Variants in AP4B1 observed in about 807,000 individuals in gnomAD.
AP4B1 encodes the protein adaptor related protein complex 4 subunit beta 1.
AP4B1 carries 49 observed loss-of-function variants against 76.5 expected under a neutral mutation model. That is an observed-to-expected ratio of 0.64 (90% CI 0.51 to 0.81). The LOEUF (loss-of-function observed/expected upper bound fraction) is 0.81, where lower values mean the gene tolerates loss of function less well. AP4B1 is among the 40% of genes least tolerant of loss of function. AP4B1 has a pLI of 0.00. For missense variants in AP4B1, 911 were observed against 904.9 expected, an observed-to-expected ratio of 1.01 and a Z score of -0.09; for synonymous variants, 330 against 333.3, an observed-to-expected ratio of 0.99 and a Z score of 0.11.
At chr1:113,899,479 C>A in intron 5 of AP4B1, 1 of 516,628 alleles carries the variant, frequency 1.9e-6, no homozygotes, top group Non-Finnish European at 2.6e-6. Context: ...GATTTCAGTC[C>A]CATTTCTAAA....
rs765728145 is a variant in AP4B1, at chr1:113,896,022, C to T, written c.1527G>A (p.Met509Ile). Residue 509 changes from methionine to isoleucine, a missense_variant, in exon 9 of 10, where the codon ATG becomes ATA. Coordinates refer to ENST00000369569, the MANE Select transcript of AP4B1 (RefSeq NM_001253852.3). ...LYYCIEEEKDMAVRDRGLFYY... is the reference protein window; with the variant it reads ...LYYCIEEEKDIAVRDRGLFYY... ...AGAAGAGACCTCGGTCCCGTACAGC[C>T]ATATCTTTTTCTTCCTCTGAGGTAA... The T allele has an allele frequency of 1.2e-6, 2 of 1,614,220 alleles. No individual in the cohort carries two copies. The highest frequency in any genetic ancestry group is 2.2e-5 in the South Asian group (2 of 91,082).
Position 113,897,845 on chromosome 1 carries a change from T to G in AP4B1, c.1297A>C (p.Ser433Arg). 1 of 1,614,086 alleles carries G rather than the reference T, an allele frequency of 6.2e-7. No homozygotes were observed. The highest frequency in any genetic ancestry group is 2.2e-5 in the East Asian group (1 of 44,880). ...LPGCEENIQD[S>R]EGKQALIWLL... ...AAAGGAGAATTACAGTCTACCTCACTATCTTGAATGTTCTCTTCACAGCCG... is the reference window on the plus strand; with the variant it reads ...AAAGGAGAATTACAGTCTACCTCACGATCTTGAATGTTCTCTTCACAGCCG... The change falls in exon 7 of 10, where the codon AGT becomes CGT. Residue 433 changes from serine to arginine, a missense_variant. Transcript: ENST00000369569.
chr1:113,897,386 T>C (rs1363022125), intron 7 of AP4B1: 2 of 213,554 alleles, frequency 9.4e-6, no homozygotes, highest in Non-Finnish European at 1.9e-5. Flanking sequence ...AGGCTAGGAA[T>C]TCTAGACCAG....
rs1329799279 is a variant in AP4B1, at chr1:113,897,854, T to A, written c.1288A>T (p.Ile430Phe). The A allele has an allele frequency of 1.9e-6, 3 of 1,614,164 alleles. No individual in the cohort carries two copies. The highest frequency in any genetic ancestry group is 2.5e-6 in the Non-Finnish European group (3 of 1,180,020). The change falls in exon 7 of 10, where the codon ATT becomes TTT. Residue 430 changes from isoleucine (I) to phenylalanine (F), a missense_variant. Coordinates refer to ENST00000369569, the MANE Select transcript of AP4B1 (RefSeq NM_001253852.3). ...TTACAGTCTACCTCACTATCTTGAA[T>A]GTTCTCTTCACAGCCGGGCAGGGCC... ...CQALPGCEEN[I>F]QDSEGKQALI... is the part of the protein sequence containing the mutation.
chr1:113,902,359 T>G (rs1238995252), intron 2 of AP4B1, among the ~76,000 whole-genome samples: 3 of 152,166 alleles, frequency 2.0e-5, no homozygotes, highest in Non-Finnish European at 4.4e-5. Flanking sequence ...GGAATAATGA[T>G]GCACAGGCAG....
rs549082532 is a variant in AP4B1 at position 113,894,400 on chromosome 1, G to A, written c.*665C>T. ...CAGTGAGGGTTAAAGGAAACTTCCTGAAGGAGCTTATGAGTGAGCTGAACA... is the reference window on the plus strand; with the variant it reads ...CAGTGAGGGTTAAAGGAAACTTCCTAAAGGAGCTTATGAGTGAGCTGAACA... On this transcript the variant is annotated 3_prime_UTR_variant, in exon 10 of 10. Coordinates refer to ENST00000369569, the MANE Select transcript of AP4B1 (RefSeq NM_001253852.3). Among the ~76,000 whole-genome samples, 2 of 152,320 alleles carry A rather than the reference G, an allele frequency of 1.3e-5. No individual in the cohort carries two copies. Among genetic ancestry groups the A allele is most frequent in the African/African-American group, 4.8e-5 (2 of 41,572 alleles).
At chr1:113,897,708 T>G (rs2101007690) in intron 7 of AP4B1, 132 bp downstream of exon 7, 1 of 909,348 alleles carries the variant, frequency 1.1e-6, no homozygotes, top group East Asian at 2.6e-5. Context: ...CAAAAGAGAA[T>G]CTAAGGTGGC....
chr1:113,898,146 A>G (rs1489936044), intron 6 of AP4B1: 2 of 497,536 alleles, frequency 4.0e-6, no homozygotes, highest in Non-Finnish European at 5.2e-6. Context: ...TCAGATTGAC[A>G]TGAGGATAAA....
Position 113,904,686 on chromosome 1 carries a change from T to G in AP4B1, c.32A>C (p.Lys11Thr), listed in dbSNP as rs1016308593. MPYLGSEDVVKELKKALCNPH... is the reference protein window; with the variant it reads MPYLGSEDVVTELKKALCNPH... ...ATTGCACAGAGCCTTCTTCAGCTCCTTCACCACGTCCTCGGAGCCAAGGTA... is the reference window on the plus strand; with the variant it reads ...ATTGCACAGAGCCTTCTTCAGCTCCGTCACCACGTCCTCGGAGCCAAGGTA... The change falls in exon 1 of 10, where the codon AAG becomes ACG. Residue 11 changes from lysine (K) to threonine (T), a missense_variant. Transcript: ENST00000369569. 2.5e-6 allele frequency: 4 copies of G among 1,612,580 alleles called. No homozygotes were observed. In the African/African-American group the frequency reaches 5.3e-5, roughly 22 times the overall value.
intron 6 of AP4B1, 112 bp downstream of exon 6, chr1:113,898,606 G>C (rs1247292563): frequency 3.5e-6 from 3 of 859,690 alleles, no homozygotes; most frequent in African/African-American, 1.7e-5. Flanking sequence ...GATGATGCAA[G>C]GAAAAGTTCA....
intron 5 of AP4B1, chr1:113,899,165 C>A (rs1667896337): frequency 9.2e-7 from 1 of 1,084,666 alleles, no homozygotes. Flanking sequence ...TGACAGCAGT[C>A]TCCTAAGGAT....
At chr1:113,904,834 G>T, upstream of AP4B1, 1 of 936,204 alleles carries the variant, frequency 1.1e-6, no homozygotes, top group Non-Finnish European at 1.7e-6. Flanking sequence ...TACAAAAGGC[G>T]AGATCTCGCC....
chr1:113,895,829 T>G lies in AP4B1; in HGVS notation c.1720A>C (p.Thr574Pro), dbSNP rs911365743. The G allele has an allele frequency of 9.9e-6, 16 of 1,614,228 alleles. No individual in the cohort carries two copies. Among genetic ancestry groups the G allele is most frequent in the Non-Finnish European group, 1.4e-5 (16 of 1,180,032 alleles). Residue 574 changes from threonine (T) to proline (P), a missense_variant, in exon 9 of 10, where the codon ACT becomes CCT. Thr to Pro is a conservative substitution (Grantham distance 38, BLOSUM62 -1). Transcript: ENST00000369569. ...TCTGCCCCCTGGCATTTAGAGATAG[T>G]TGCCCAGTGGGCTTTGCCATACACT... ...VPVYGKAHWA[T>P]ISKCQGAERC...
Position 113,895,018 on chromosome 1 carries a change from A to ACG in AP4B1, c.*46_*47insCG. On this transcript the variant is annotated 3_prime_UTR_variant, in exon 10 of 10. Coordinates refer to ENST00000369569, the MANE Select transcript of AP4B1 (RefSeq NM_001253852.3). ...GCAGCTCTAATAGGAAAGACTAAGAAAGTGTAATAGTTATTCATCTTACTC... is the reference window on the plus strand; with the variant it reads ...GCAGCTCTAATAGGAAAGACTAAGAACGAGTGTAATAGTTATTCATCTTACTC... The ACG allele has an allele frequency of 3.2e-6, 5 of 1,568,312 alleles. No homozygotes were observed. The highest frequency in any genetic ancestry group is 4.4e-6 in the Non-Finnish European group (5 of 1,147,866).
chr1:113,896,127 G>C (rs1169121249), intron 8 of AP4B1, 89 bp from the exon 9 acceptor site: 1 of 1,601,212 alleles, frequency 6.2e-7, no homozygotes, highest in African/African-American at 1.3e-5. Flanking sequence ...AAAAAATGAA[G>C]GAGAGAGGAA....
In AP4B1 at chr1:113,898,991, T is replaced by G. The variant is rs193216819; in HGVS notation, c.1115-190A>C. On this transcript the variant is annotated intron_variant, in intron 5 of 9. Transcript: ENST00000369569. ...TAAAGGGAACTTTGGTAAAAATCATTTTTTCTCACTGACTACTAGAAAACT... is the reference window on the plus strand; with the variant it reads ...TAAAGGGAACTTTGGTAAAAATCATGTTTTCTCACTGACTACTAGAAAACT... The G allele has an allele frequency of 1.2e-5, 12 of 1,013,192 alleles. No homozygotes were observed. In the East Asian group the frequency reaches 2.7e-4, roughly 23 times the overall value. 62.8% of individuals were successfully genotyped at this position (1,013,192 alleles called of 1,614,324 possible).
Position 113,895,916 on chromosome 1 carries a change from A to G in AP4B1, c.1633T>C (p.Leu545=), listed in dbSNP as rs2100995025. ...ACAGGTCTTTCTGCCGGATCCTCCA[A>G]AAGTCCAAGAGTAGGGTCAGATTTA... ...SPKSDPTLGL[L]EDPAERPVNS... Residue 545 remains leucine (L), a synonymous_variant, in exon 9 of 10, where the codon TTG becomes CTG. Coordinates refer to ENST00000369569, the MANE Select transcript of AP4B1 (RefSeq NM_001253852.3). 1.9e-6 allele frequency: 3 copies of G among 1,614,220 alleles called. No homozygotes were observed. The highest frequency in any genetic ancestry group is 2.5e-6 in the Non-Finnish European group (3 of 1,180,044).
In AP4B1 at chr1:113,902,585, G is replaced by A. The variant is rs1029818039; in HGVS notation, c.338+53C>T. Reference sequence around the variant, plus strand: ...TATCCTCTTTAAAAACCTACCCTGTGATCACTTGAATTCATCAGCCATTTA... The same window carrying A: ...TATCCTCTTTAAAAACCTACCCTGTAATCACTTGAATTCATCAGCCATTTA... On this transcript the variant is annotated intron_variant, in intron 2 of 9. Coordinates refer to ENST00000369569, the MANE Select transcript of AP4B1 (RefSeq NM_001253852.3). 118 of 1,552,258 alleles carry A rather than the reference G, an allele frequency of 7.6e-5. 5 individuals are homozygous for A. The South Asian group carries it at 1.3e-3, about 17-fold the overall frequency.
Position 113,900,572 on chromosome 1 carries a change from A to T in AP4B1, c.618-172T>A. 3 of 810,790 alleles carry T rather than the reference A, an allele frequency of 3.7e-6. No homozygotes were observed. The South Asian group carries it at 5.5e-5, about 15-fold the overall frequency. 50.2% of individuals were successfully genotyped at this position (810,790 alleles called of 1,614,324 possible). Reference sequence around the variant, plus strand: ...GTACTATTTAAAGTTTACACAAAAAAGGCTTAAAATTCCAAGATGAGTTGT... The same window carrying T: ...GTACTATTTAAAGTTTACACAAAAATGGCTTAAAATTCCAAGATGAGTTGT... On this transcript the variant is annotated intron_variant, in intron 4 of 9. Coordinates refer to ENST00000369569, the MANE Select transcript of AP4B1 (RefSeq NM_001253852.3).
Sources: allele counts gnomAD v4.1 joint callset (sites outside exome capture counted in the v4.1 genomes callset), GRCh38; gene constraint gnomAD v4.1.1; transcripts MANE v1.5; gene names NCBI Gene and HGNC (gene_info 2026-07-23, HGNC 2026-07-21).